Variants in PAX5 observed in about 807,000 individuals in gnomAD.
PAX5 encodes the protein paired box 5.
Under a neutral mutation model 43.7 loss-of-function variants are expected in PAX5, and 9 were observed. That is an observed-to-expected ratio of 0.21 (90% CI 0.12 to 0.36). The LOEUF (loss-of-function observed/expected upper bound fraction) is 0.36. Among genes scored for constraint, PAX5 ranks in the 10% least tolerant of loss-of-function variants. The probability of loss-of-function intolerance (pLI) is 1.00; values close to 1 mark genes in which losing one functional copy is unlikely to be tolerated. For synonymous variants in PAX5, 228 were observed against 214.3 expected (o/e 1.06, Z -0.56); for missense variants, 383 against 532.7 (o/e 0.72, Z 2.77).
At position 37,015,298 on chromosome 9, in the gene PAX5, G is replaced by A; in HGVS notation, c.213-104C>T. On this transcript the variant is annotated intron_variant, in intron 2 of 9. Transcript: ENST00000358127. The surrounding 1 kb of genome is among the most constrained non-coding windows in gnomAD (Gnocchi z 4.4). The stretch of plus-strand genomic sequence containing the variant: ...GGCCAGGAAACGTCCGGATCTGCAC[G>A]TTCCAATACAGTAGCCACCAGCCAG... 3 of 937,710 alleles carry A rather than the reference G, an allele frequency of 3.2e-6. No homozygotes were observed. Among genetic ancestry groups the A allele is most frequent in the Admixed American group, 2.1e-5 (1 of 46,840 alleles). 58.1% of individuals were successfully genotyped at this position (937,710 alleles called of 1,614,324 possible). A position where few individuals can be genotyped will look rare whatever the true frequency, so the allele number is the denominator to read the frequency against.
chr9:36,991,885 A>G (rs1432773834), intron 5 of PAX5, among the ~76,000 whole-genome samples: 1 of 152,188 alleles, frequency 6.6e-6, no homozygotes, highest in Non-Finnish European at 1.5e-5. Context: ...TTTTGCTACA[A>G]GCAATGTGTT....
chr9:37,000,522 G>A (rs1279677944), intron 5 of PAX5, among the ~76,000 whole-genome samples: 1 of 152,188 alleles, frequency 6.6e-6, no homozygotes, highest in Non-Finnish European at 1.5e-5. Flanking sequence ...GGAGGCCTAG[G>A]CAGGCACATC....
chr9:36,964,974 C>T (rs1331859283), intron 6 of PAX5, among the ~76,000 whole-genome samples: 2 of 152,154 alleles, frequency 1.3e-5, no homozygotes, highest in African/African-American at 4.8e-5. Context: ...CACCGGCTCT[C>T]TCCATTCCTC....
intron 3 of PAX5, among the ~76,000 whole-genome samples, chr9:37,008,921 C>A (rs1030129528): frequency 2.6e-5 from 4 of 152,104 alleles, no homozygotes; most frequent in Non-Finnish European, 5.9e-5. Flanking sequence ...TGGCATCTGA[C>A]CTAATGTTTA....
chr9:37,001,810 C>CTTTTTTTTTTTTT (rs3073720), intron 5 of PAX5, among the ~76,000 whole-genome samples: 53 of 87,980 alleles, frequency 6.0e-4, no homozygotes, highest in Admixed American at 7.9e-4. Flanking sequence ...ACAGCTCTGG[C>CTTTTTTTTTTTTT]TTTTTTTTTT....
At chr9:36,877,782 T>G (rs1478740690) in intron 8 of PAX5, among the ~76,000 whole-genome samples, 3 of 152,168 alleles carry the variant, frequency 2.0e-5, no homozygotes, top group Non-Finnish European at 4.4e-5. Flanking sequence ...GGGAGGCTCC[T>G]TATATGTAAC....
At chr9:36,889,880 A>ACTTTTT (rs771265765) in intron 7 of PAX5, among the ~76,000 whole-genome samples, 73 of 138,836 alleles carry the variant, frequency 5.3e-4, no homozygotes, top group Middle Eastern at 3.6e-3. Context: ...CTTAGACGCA[A>ACTTTTT]CTTTTTCTTT....
chr9:36,944,933 G>A (rs1225202827), intron 6 of PAX5, among the ~76,000 whole-genome samples: 1 of 152,246 alleles, frequency 6.6e-6, no homozygotes, highest in Non-Finnish European at 1.5e-5. Context: ...CGAGCTGGAA[G>A]TGGTACTGAC....
intron 6 of PAX5, among the ~76,000 whole-genome samples, chr9:36,943,271 C>A (rs990778052): frequency 2.0e-5 from 3 of 152,194 alleles, no homozygotes; most frequent in African/African-American, 7.2e-5. Flanking sequence ...GATGGGGAGT[C>A]TGGCATCCCC....
At chr9:36,867,215 A>C (rs1301349182) in intron 8 of PAX5, among the ~76,000 whole-genome samples, 1 of 152,182 alleles carries the variant, frequency 6.6e-6, no homozygotes, top group Admixed American at 6.5e-5. Context: ...ATTCATTCAC[A>C]AAGGTCCAGT....
chr9:36,906,602 T>A (rs551295447), intron 7 of PAX5, among the ~76,000 whole-genome samples: 35 of 152,342 alleles, frequency 2.3e-4, no homozygotes, highest in Non-Finnish European at 4.0e-4. Context: ...TGGGGTAATT[T>A]GTTACAGCCG....
At chr9:36,910,670 G>A (rs1829195091) in intron 7 of PAX5, among the ~76,000 whole-genome samples, 1 of 152,148 alleles carries the variant, frequency 6.6e-6, no homozygotes, top group African/African-American at 2.4e-5. Context: ...GCCTGACAGT[G>A]GGAAAGGAAA....
At chr9:36,935,235 C>T (rs922234870) in intron 6 of PAX5, among the ~76,000 whole-genome samples, 4 of 152,192 alleles carry the variant, frequency 2.6e-5, no homozygotes, top group Admixed American at 2.0e-4. Context: ...ACAAAATTAG[C>T]CGGGCATGGT....
chr9:36,913,534 A>T (rs894802992), intron 7 of PAX5, among the ~76,000 whole-genome samples: 6 of 152,358 alleles, frequency 3.9e-5, no homozygotes, highest in African/African-American at 1.4e-4. Context: ...CTGTGGCCCA[A>T]TGAGACACCT....
intron 2 of PAX5, 90 bp downstream of exon 2, chr9:37,020,546 A>T: frequency 7.7e-7 from 1 of 1,303,342 alleles, no homozygotes; most frequent in Non-Finnish European, 1.1e-6. Context: ...CATGATTCTC[A>T]CTATGATACT....
intron 5 of PAX5, among the ~76,000 whole-genome samples, chr9:36,985,719 C>G (rs1262816764): frequency 6.6e-6 from 1 of 152,174 alleles, no homozygotes; most frequent in Non-Finnish European, 1.5e-5. Flanking sequence ...GGAAGGCCTT[C>G]CCTCCAGGGC....
At chr9:36,899,084 G>A (rs1828136653) in intron 7 of PAX5, among the ~76,000 whole-genome samples, 1 of 152,124 alleles carries the variant, frequency 6.6e-6, no homozygotes, top group African/African-American at 2.4e-5. Flanking sequence ...ATAGGTTCCA[G>A]CACCCCCACC....
intron 8 of PAX5, among the ~76,000 whole-genome samples, chr9:36,852,107 C>G (rs755405232): frequency 1.3e-5 from 2 of 152,202 alleles, no homozygotes; most frequent in Admixed American, 6.5e-5. Context: ...GATCAAATGA[C>G]TTCACGTTTG....
At chr9:36,909,838 T>TTTTTTTTG (rs57927422) in intron 7 of PAX5, among the ~76,000 whole-genome samples, 2 of 148,670 alleles carry the variant, frequency 1.3e-5, no homozygotes, top group Admixed American at 6.7e-5. Context: ...TTTTTTTTTT[T>TTTTTTTTG]AGATATAGGG....
Sources: allele counts gnomAD v4.1 joint callset (sites outside exome capture counted in the v4.1 genomes callset), GRCh38; gene constraint gnomAD v4.1.1; non-coding constraint Gnocchi (gnomAD v3.1); transcripts MANE v1.5; gene names NCBI Gene and HGNC (gene_info 2026-07-23, HGNC 2026-07-21).